R3HDM4: variants seen among roughly 807,000 people sequenced by gnomAD.
R3HDM4 encodes R3H domain-containing protein 4.
Under a neutral mutation model 31.3 loss-of-function variants are expected in R3HDM4, and 30 were observed. The ratio of observed to expected loss-of-function variants is 0.96; its 90% confidence interval spans 0.72 to 1.30. R3HDM4 has a LOEUF of 1.30. Ranked by LOEUF, R3HDM4 falls within the 50% of genes most tolerant of loss-of-function variation. R3HDM4 has a pLI of 0.00. For missense variants in R3HDM4, 444 were observed against 366.1 expected (o/e 1.21, Z -1.74); for synonymous variants, 196 against 156.6 (o/e 1.25, Z -1.88).
At position 901,998 on chromosome 19, in the gene R3HDM4, C is replaced by T. The variant is rs1415196569; in HGVS notation, c.204G>A (p.Lys68=). 6.2e-7 allele frequency: 1 copy of T among 1,613,718 alleles called. No homozygotes were observed. The highest frequency in any genetic ancestry group is 1.3e-5 in the African/African-American group (1 of 74,948). The change falls in exon 2 of 8, where the codon AAG becomes AAA. Residue 68 remains lysine, a synonymous_variant. Transcript: ENST00000361574. ...CACTGTTCTCCAGGCGCTGGAGGCT[C>T]TTCCGCCCCTTGGCCTTGGGCACGA... is the stretch of plus-strand genomic sequence containing the variant. ...SDLVPKAKGR[K]SLQRLENTQY...
chr19:906,122 T>A (rs1446416499), intron 1 of R3HDM4, among the ~76,000 whole-genome samples: 3 of 152,104 alleles, frequency 2.0e-5, no homozygotes, highest in Middle Eastern at 3.4e-3. Flanking sequence ...CCTCCCAGGT[T>A]CAAGTGATTC....
chr19:900,176 T>C (rs771544143), intron 4 of R3HDM4, 30 bp from the exon 5 acceptor site: 4 of 1,519,426 alleles, frequency 2.6e-6, no homozygotes, highest in Non-Finnish European at 3.5e-6. Flanking sequence ...AGGGGCAGTC[T>C]TGGGGTGCTC....
In R3HDM4 at chr19:902,150, T is replaced by TGGTCCTCAGGGTCAAGGCC. The variant is rs751817143; in HGVS notation, c.72-39_72-21dup. ...AGGGGCCTGTGGGCCGGGGCAGGGG[T>TGGTCCTCAGGGTCAAGGCC]GGTCCTCAGGGTCAAGGCCGGCCAG... On this transcript the variant is annotated intron_variant, in intron 1 of 7. Transcript: ENST00000361574. 4.3e-5 allele frequency: 70 copies of TGGTCCTCAGGGTCAAGGCC among 1,610,320 alleles called. No individual in the cohort carries two copies. The highest frequency in any genetic ancestry group is 5.4e-5 in the Non-Finnish European group (64 of 1,179,724).
Position 899,325 on chromosome 19 carries a change from C to T in R3HDM4, c.703+115G>A. The T allele has an allele frequency of 9.2e-7, 1 of 1,091,282 alleles. No homozygotes were observed. The highest frequency in any genetic ancestry group is 1.3e-5 in the South Asian group (1 of 74,544). The allele number at this position is 1,091,282 out of a possible 1,614,324, so 67.6% of individuals were successfully genotyped here. A position where few individuals can be genotyped will look rare whatever the true frequency, so the allele number is the denominator to read the frequency against. On this transcript the variant is annotated intron_variant, in intron 7 of 7. Transcript: ENST00000361574. The surrounding 1 kb of genome is among the most constrained non-coding windows in gnomAD (Gnocchi z 6.8). ...GAGTTCGTAGCGTCCCCACTCCAGC[C>T]CCCTTCCCCACCTCCCCACCAAGCC...
Position 900,857 on chromosome 19 carries a change from G to T in R3HDM4, c.447C>A (p.Gly149=). The change falls in exon 4 of 8, where the codon GGC becomes GGA. Residue 149 remains glycine, a synonymous_variant. Coordinates refer to ENST00000361574, the MANE Select transcript of R3HDM4 (RefSeq NM_138774.4). ...TCCTCCGGTCCTCCCCACGGCCAGG[G>T]CCCCTCCTCCGCGCCTTGCTCCTGC... ...DEGRSKARRR[G]PGRGEDRRRE... The T allele has an allele frequency of 6.4e-7, 1 of 1,550,640 alleles. No individual in the cohort carries two copies. Among genetic ancestry groups the T allele is most frequent in the Non-Finnish European group, 8.7e-7 (1 of 1,149,026 alleles).
chr19:897,562 C>T, intron 7 of R3HDM4, 22 bp from the exon 8 acceptor site: 1 of 1,583,070 alleles, frequency 6.3e-7, no homozygotes, highest in South Asian at 1.1e-5. Flanking sequence ...ACCAGCGGGG[C>T]AAGAACGGGA....
rs144020026 is a variant in R3HDM4 at position 899,662 on chromosome 19, G to A, written c.586C>T (p.Arg196Trp). Residue 196 changes from arginine to tryptophan, a missense_variant, in exon 6 of 8, where the codon CGG becomes TGG. Transcript: ENST00000361574. This position sits in a 1 kb window ranked among gnomAD's most constrained non-coding sequence, Gnocchi z 6.8. ...PMETLETWEE[R>W]LLRFFSVSPQ... ...GACACGGAGAAGAACCGAAGCAGCC[G>A]CTCCTCCCAGGTCTCCAGCGTTTCC... The A allele has an allele frequency of 1.7e-5, 28 of 1,601,734 alleles. No individual in the cohort carries two copies. The highest frequency in any genetic ancestry group is 2.1e-5 in the Non-Finnish European group (25 of 1,173,900).
At position 907,789 on chromosome 19, in the gene R3HDM4, G is replaced by A. The variant is rs1041331238; in HGVS notation, c.71+5298C>T. On this transcript the variant is annotated intron_variant, in intron 1 of 7. Coordinates refer to ENST00000361574, the MANE Select transcript of R3HDM4 (RefSeq NM_138774.4). This position sits in a 1 kb window ranked among gnomAD's most constrained non-coding sequence, Gnocchi z 4.1. ...CTAGCACTGCAACACGAGGGCTTTC[G>A]CCTGTTTTGTTTGGTATCTGAGGGC... Among the ~76,000 whole-genome samples, 9 of 152,150 alleles carry A rather than the reference G, an allele frequency of 5.9e-5. No individual in the cohort carries two copies. The highest frequency in any genetic ancestry group is 1.9e-4 in the African/African-American group (8 of 41,446).
intron 1 of R3HDM4, among the ~76,000 whole-genome samples, chr19:904,562 G>A (rs897493460): frequency 5.9e-5 from 9 of 152,046 alleles, no homozygotes; most frequent in African/African-American, 1.7e-4. Context: ...AGCTGGGCGC[G>A]GTGGCTCATG....
intron 7 of R3HDM4, among the ~76,000 whole-genome samples, chr19:898,978 G>A (rs1189513547): frequency 1.3e-5 from 2 of 152,158 alleles, no homozygotes; most frequent in Non-Finnish European, 2.9e-5. Context: ...CGTTCACTAC[G>A]GGGGTGAGTT....
intron 1 of R3HDM4, among the ~76,000 whole-genome samples, chr19:906,809 T>TTTTTG (rs60860170): frequency 0.091 from 13,643 of 149,666 alleles, 1,364 homozygotes; most frequent in East Asian, 0.24. Context: ...ATTTGGGGTT[T>TTTTTG]TTTTGTTTTG....
chr19:900,981 C>T, intron 3 of R3HDM4, 29 bp from the exon 4 acceptor site: 2 of 1,537,410 alleles, frequency 1.3e-6, no homozygotes, highest in Non-Finnish European at 1.8e-6. Flanking sequence ...GGCAGGCTTG[C>T]CATGAAACAC....
chr19:908,609 A>G (rs577439149), intron 1 of R3HDM4, among the ~76,000 whole-genome samples: 2 of 152,140 alleles, frequency 1.3e-5, no homozygotes, highest in South Asian at 2.1e-4. Flanking sequence ...GACTGTCTCA[A>G]AAAAAATAAA....
intron 7 of R3HDM4, 66 bp from the exon 8 acceptor site, chr19:897,606 C>T (rs1029880565): frequency 2.9e-5 from 35 of 1,225,068 alleles, no homozygotes; most frequent in South Asian, 1.2e-4. Flanking sequence ...AGAGGTGCCT[C>T]GGACCTGCAC....
In R3HDM4 at chr19:900,908, C is replaced by G. The variant is rs2036827118; in HGVS notation, c.396G>C (p.Arg132=). ...CCTCATCCTCCAGGTAGCGAAGAAC[C>G]CGCTCCTGCTCCTCCCCGGAGCGGT... ...FMNRSGEEQE[R]VLRYLEDEGR... is the part of the protein sequence containing the mutation. The change falls in exon 4 of 8, where the codon CGG becomes CGC. Residue 132 remains arginine (R), a synonymous_variant. Coordinates refer to ENST00000361574, the MANE Select transcript of R3HDM4 (RefSeq NM_138774.4). 6.2e-7 allele frequency: 1 copy of G among 1,608,360 alleles called. No individual in the cohort carries two copies. Among genetic ancestry groups the G allele is most frequent in the African/African-American group, 1.3e-5 (1 of 74,544 alleles).
At position 903,429 on chromosome 19, in the gene R3HDM4, G is replaced by A. The variant is rs529347943; in HGVS notation, c.72-1299C>T. On this transcript the variant is annotated intron_variant, in intron 1 of 7. Coordinates refer to ENST00000361574, the MANE Select transcript of R3HDM4 (RefSeq NM_138774.4). ...CTCAGTGTGGGGGGAATAGGCAGCC[G>A]CCTGGGAAGCGGGTGGTTGGACAGG... 2.4e-4 allele frequency among the ~76,000 whole-genome samples: 36 copies of A among 152,222 alleles called. No individual in the cohort carries two copies. The East Asian group carries it at 5.6e-3, about 24-fold the overall frequency.
chr19:901,896 G>T, intron 2 of R3HDM4, 80 bp downstream of exon 2: 1 of 1,541,824 alleles, frequency 6.5e-7, no homozygotes, highest in Non-Finnish European at 8.9e-7. Context: ...CTCATGGGAG[G>T]GGTAACAGAT....
chr19:902,146 G>A lies in R3HDM4; in HGVS notation c.72-16C>T, dbSNP rs765573329. Reference sequence around the variant, plus strand: ...GGGAAGGGGCCTGTGGGCCGGGGCAGGGGTGGTCCTCAGGGTCAAGGCCGG... The same window carrying A: ...GGGAAGGGGCCTGTGGGCCGGGGCAAGGGTGGTCCTCAGGGTCAAGGCCGG... On this transcript the variant is annotated splice_polypyrimidine_tract_variant and intron_variant, in intron 1 of 7. Transcript: ENST00000361574. The A allele has an allele frequency of 3.1e-6, 5 of 1,610,984 alleles. No individual in the cohort carries two copies. Among genetic ancestry groups the A allele is most frequent in the African/African-American group, 2.7e-5 (2 of 74,932 alleles).
chr19:911,966 G>T (rs2057335546), intron 1 of R3HDM4, among the ~76,000 whole-genome samples: 1 of 150,878 alleles, frequency 6.6e-6, no homozygotes, highest in Non-Finnish European at 1.5e-5. Flanking sequence ...AGGCTGGAGC[G>T]CATGGCCACG....
Sources: allele counts gnomAD v4.1 joint callset (sites outside exome capture counted in the v4.1 genomes callset), GRCh38; gene constraint gnomAD v4.1.1; non-coding constraint Gnocchi (gnomAD v3.1); transcripts MANE v1.5; gene names NCBI Gene and HGNC (gene_info 2026-07-23, HGNC 2026-07-21).